Variants in ANKRD26 observed in about 807,000 individuals in gnomAD.
The protein encoded by ANKRD26 is ankyrin repeat domain 26.
In ANKRD26, 141 loss-of-function variants were observed where a neutral mutation model predicts 208.7. The observed-to-expected ratio is 0.68, with a 90% CI of 0.59 to 0.78. The LOEUF is 0.78. Ranked by LOEUF, ANKRD26 falls within the 30% of genes least tolerant of loss-of-function variation. ANKRD26 has a pLI of 0.00. For missense variants in ANKRD26, 1,889 were observed against 1,938.7 expected (o/e 0.97, Z 0.48); for synonymous variants, 636 against 660.4 (o/e 0.96, Z 0.57).
intron 1 of ANKRD26, among the ~76,000 whole-genome samples, chr10:27,097,546 G>A (rs2056508080): frequency 1.3e-5 from 2 of 152,090 alleles, no homozygotes; most frequent in African/African-American, 2.4e-5. Context: ...TGGATTGAAA[G>A]AATGGAAAAA....
chr10:26,962,554 G>A, the ANKRD26 span, among the ~76,000 whole-genome samples: 292 of 152,142 alleles, frequency 1.9e-3, no homozygotes, highest in African/African-American at 6.8e-3. Flanking sequence ...TAGCCTGGGC[G>A]ACAGGAGTGA....
chr10:27,071,707 C>T (rs1447113908), intron 9 of ANKRD26, among the ~76,000 whole-genome samples: 1 of 152,004 alleles, frequency 6.6e-6, no homozygotes. Flanking sequence ...GCAGTGTACA[C>T]GATGAACCAG....
the ANKRD26 span, among the ~76,000 whole-genome samples, chr10:26,953,495 T>C: frequency 6.6e-6 from 1 of 152,210 alleles, no homozygotes; most frequent in African/African-American, 2.4e-5. Context: ...GTGTGAAACA[T>C]CTCATCCTGA....
Position 27,082,065 on chromosome 10 carries a change from AAAAAAAAAAGG to A in ANKRD26, c.740+727_740+737del, listed in dbSNP as rs1256415586. 9.3e-4 allele frequency among the ~76,000 whole-genome samples: 78 copies of A among 84,248 alleles called. 1 individual carries two copies. The highest frequency in any genetic ancestry group is 2.3e-3 in the African/African-American group (70 of 30,678). 55.3% of individuals were successfully genotyped at this position (84,248 alleles called of 152,430 possible). On this transcript the variant is annotated intron_variant, in intron 6 of 33. Transcript: ENST00000376087. The stretch of plus-strand genomic sequence containing the variant: ...GCAGTTATTTAAAAAAAAAAAAAAA[AAAAAAAAAAGG>A]GAGAGAGAGAAACAAAATCATATCC...
At chr10:27,062,958 G>A (rs1441907421) in intron 12 of ANKRD26, among the ~76,000 whole-genome samples, 1 of 152,026 alleles carries the variant, frequency 6.6e-6, no homozygotes, top group African/African-American at 2.4e-5. Context: ...AGTAGAGACG[G>A]GGTTTCACCA....
downstream of ANKRD26, among the ~76,000 whole-genome samples, chr10:26,969,531 G>A (rs1184166624): frequency 6.6e-6 from 1 of 152,202 alleles, no homozygotes; most frequent in East Asian, 1.9e-4. Flanking sequence ...CACCTCCTTG[G>A]CAGGGACTCC....
chr10:27,068,250 G>C (rs2055339106), intron 9 of ANKRD26, among the ~76,000 whole-genome samples: 2 of 152,176 alleles, frequency 1.3e-5, no homozygotes, highest in African/African-American at 4.8e-5. Context: ...CATGAGATCT[G>C]ATGGTTTTAC....
chr10:26,957,134 G>GC, the ANKRD26 span, among the ~76,000 whole-genome samples: 1 of 152,168 alleles, frequency 6.6e-6, no homozygotes, highest in Admixed American at 6.5e-5. Flanking sequence ...TAAGCCAGGT[G>GC]CGGTGGCTCA....
At chr10:27,098,268 C>T (rs1250678264) in intron 1 of ANKRD26, among the ~76,000 whole-genome samples, 3 of 151,972 alleles carry the variant, frequency 2.0e-5, no homozygotes, top group Non-Finnish European at 4.4e-5. Flanking sequence ...CCTGGGCCTC[C>T]CAAAGTGCTG....
chr10:27,058,899 G>T (rs1184967453), intron 15 of ANKRD26, among the ~76,000 whole-genome samples: 6 of 141,410 alleles, frequency 4.2e-5, no homozygotes, highest in Non-Finnish European at 7.8e-5. Context: ...ATGTTTTTTT[G>T]TTTGTTTGTT....
chr10:27,033,160 G>T, intron 25 of ANKRD26, 65 bp downstream of exon 25: 1 of 1,316,784 alleles, frequency 7.6e-7, no homozygotes. Flanking sequence ...AAATTAGTAT[G>T]ATAAAACACT....
At chr10:27,038,977 T>A (rs969893484) in intron 21 of ANKRD26, among the ~76,000 whole-genome samples, 4 of 152,172 alleles carry the variant, frequency 2.6e-5, no homozygotes, top group African/African-American at 9.7e-5. Flanking sequence ...ACATATTGCA[T>A]AAACAATTTT....
In ANKRD26 at chr10:27,035,565, T is replaced by C; in HGVS notation, c.2885A>G (p.Gln962Arg). ...TGTTTGTGTTAATGTTTCCTCATTC[T>C]GTTTTATAGTCTTCTGAAGGTCTTC... ...KNEDLQKTIK[Q>R]NEETLTQTIS... The change falls in exon 24 of 34, where the codon CAG becomes CGG. Residue 962 changes from glutamine to arginine, a missense_variant. By Grantham distance (43) the Gln-to-Arg change is conservative (BLOSUM62 1). Transcript: ENST00000376087. 1 of 1,613,818 alleles carries C rather than the reference T, an allele frequency of 6.2e-7. No individual in the cohort carries two copies. The highest frequency in any genetic ancestry group is 8.5e-7 in the Non-Finnish European group (1 of 1,179,848).
chr10:27,017,412 A>G (rs2053332808), intron 30 of ANKRD26, 90 bp downstream of exon 30: 9 of 1,367,564 alleles, frequency 6.6e-6, no homozygotes, highest in Non-Finnish European at 4.1e-6. Context: ...ACAAATTGCT[A>G]TAAGGGATGT....
intron 15 of ANKRD26, among the ~76,000 whole-genome samples, chr10:27,053,854 A>G (rs1006566948): frequency 5.9e-5 from 9 of 152,246 alleles, no homozygotes; most frequent in Admixed American, 5.9e-4. Flanking sequence ...GTAACATTGT[A>G]TAATGTTCTC....
chr10:27,071,209 A>C (rs1481832510), intron 9 of ANKRD26, among the ~76,000 whole-genome samples: 1 of 118,460 alleles, frequency 8.4e-6, no homozygotes, highest in Non-Finnish European at 1.6e-5. Flanking sequence ...TTTGTCGCCC[A>C]GGCTGGAGTG....
At chr10:27,093,556 T>G (rs781198357) in intron 2 of ANKRD26, 34 bp from the exon 3 acceptor site, 1 of 1,612,910 alleles carries the variant, frequency 6.2e-7, no homozygotes, top group Non-Finnish European at 8.5e-7. Flanking sequence ...AGATCATAAA[T>G]TCTAGGAATG....
At chr10:27,043,404 TA>T in intron 20 of ANKRD26, 21 bp downstream of exon 20, 1 of 1,612,620 alleles carries the variant, frequency 6.2e-7, no homozygotes, top group Non-Finnish European at 8.5e-7. Flanking sequence ...AAAAAGGCCT[TA>T]AATTTATGCA....
intron 4 of ANKRD26, among the ~76,000 whole-genome samples, 159 bp from the exon 5 acceptor site, chr10:27,086,768 G>GTTTTTTT (rs36035101): frequency 1.6e-4 from 16 of 97,016 alleles, no homozygotes; most frequent in African/African-American, 3.0e-4. Flanking sequence ...AAACTTTTTT[G>GTTTTTTT]TTTTTTTTTT....
Sources: gnomAD v4.1 joint callset for allele counts (sites outside exome capture counted in the v4.1 genomes callset) on GRCh38, gnomAD v4.1.1 for gene constraint, MANE v1.5 for transcripts, NCBI Gene and HGNC (gene_info 2026-07-23, HGNC 2026-07-21) for gene names.